The following RAF1 variants were observed in gnomAD, a reference collection of about 807,000 sequenced individuals.
RAF1 encodes RAF proto-oncogene serine/threonine-protein kinase.
RAF1 carries 27 observed loss-of-function variants against 81.1 expected under a neutral mutation model. The ratio of observed to expected loss-of-function variants is 0.33; its 90% CI spans 0.25 to 0.46. The LOEUF (loss-of-function observed/expected upper bound fraction) is 0.46. RAF1 is among the 20% of genes least tolerant of loss of function. The pLI, the probability that RAF1 is intolerant of heterozygous loss-of-function variation, is 1.00. For synonymous variants in RAF1, 298 were observed against 294.0 expected (o/e 1.01, Z -0.14); for missense variants, 598 against 826.0 (o/e 0.72, Z 3.38).
chr3:12,623,335 G>C (rs948835031), intron 1 of RAF1, among the ~76,000 whole-genome samples: 4 of 152,122 alleles, frequency 2.6e-5, no homozygotes, highest in Non-Finnish European at 5.9e-5. Flanking sequence ...AAGTCTTGCA[G>C]GCACTCAAAA....
intron 4 of RAF1, 80 bp downstream of exon 4, chr3:12,609,153 T>C (rs2059131528): frequency 2.7e-6 from 3 of 1,099,008 alleles, no homozygotes; most frequent in Non-Finnish European, 4.2e-6. Flanking sequence ...TATATATACA[T>C]ACGCATATTA....
At chr3:12,657,957 T>C (rs2060752762) in intron 1 of RAF1, among the ~76,000 whole-genome samples, 1 of 152,106 alleles carries the variant, frequency 6.6e-6, no homozygotes, top group South Asian at 2.1e-4. Flanking sequence ...TTTCTGTCAC[T>C]AAGGATTTTC....
At chr3:12,622,892 G>T (rs924797759) in intron 1 of RAF1, among the ~76,000 whole-genome samples, 1 of 152,182 alleles carries the variant, frequency 6.6e-6, no homozygotes, top group Non-Finnish European at 1.5e-5. Flanking sequence ...GCCGGGCGCA[G>T]TTGTTCACAC....
intron 8 of RAF1, among the ~76,000 whole-genome samples, chr3:12,601,054 G>A (rs2058847839): frequency 1.3e-5 from 2 of 152,172 alleles, no homozygotes; most frequent in Admixed American, 1.3e-4. Context: ...GGTGGATTCT[G>A]GGGGAAGCTC....
Position 12,584,439 on chromosome 3 carries a change from A to G in RAF1, c.*75T>C. ...CTGAAAACATGTGTTCTGCCTCTGG[A>G]GAAAGGGAGCAGAAAAGTGGTGCCT... On this transcript the variant is annotated 3_prime_UTR_variant, in exon 18 of 18. Transcript: ENST00000442415. 3 of 1,581,904 alleles carry G rather than the reference A, an allele frequency of 1.9e-6. No homozygotes were observed. Among genetic ancestry groups the G allele is most frequent in the Non-Finnish European group, 1.7e-6 (2 of 1,152,292 alleles).
intron 1 of RAF1, among the ~76,000 whole-genome samples, chr3:12,655,507 A>G (rs1432768839): frequency 3.9e-5 from 6 of 152,198 alleles, no homozygotes. Flanking sequence ...ACTGTGCAAA[A>G]CAGTTTGGCA....
chr3:12,655,459 T>C (rs2060662668), intron 1 of RAF1, among the ~76,000 whole-genome samples: 2 of 152,196 alleles, frequency 1.3e-5, no homozygotes, highest in African/African-American at 4.8e-5. Context: ...ACTGGAACCC[T>C]TGTGCTTTGC....
In RAF1 at chr3:12,654,509, G is replaced by C. The variant is rs1478356528; in HGVS notation, c.-27+9304C>G. The stretch of plus-strand genomic sequence containing the variant: ...CCCAGCTACTCAGCAGGTTCAGGAG[G>C]GAAGATGGCTTGTGCCTGGGAGGTC... On this transcript the variant is annotated intron_variant, in intron 1 of 17. Coordinates refer to ENST00000442415, the MANE Select transcript of RAF1 (RefSeq NM_001354689.3). 2.0e-5 allele frequency among the ~76,000 whole-genome samples: 3 copies of C among 151,566 alleles called. No homozygotes were observed. In the East Asian group the frequency reaches 6.1e-4, roughly 31 times the overall value.
At chr3:12,585,302 G>A (rs2125323708) in intron 15 of RAF1, 49 bp from the exon 15 acceptor site, 5 of 1,611,060 alleles carry the variant, frequency 3.1e-6, no homozygotes, top group African/African-American at 1.3e-5. Flanking sequence ...CATATGACAG[G>A]CCTCACAGAC....
At chr3:12,627,560 A>T (rs377082077) in intron 1 of RAF1, among the ~76,000 whole-genome samples, 2 of 152,186 alleles carry the variant, frequency 1.3e-5, no homozygotes, top group South Asian at 4.1e-4. Flanking sequence ...CACCTACTCT[A>T]TATCTATCAA....
Position 12,606,113 on chromosome 3 carries a change from C to T in RAF1, c.680+88G>A, listed in dbSNP as rs1406939552. 27 of 955,902 alleles carry T rather than the reference C, an allele frequency of 2.8e-5. No individual in the cohort carries two copies. The South Asian group carries it at 3.5e-4, about 12-fold the overall frequency. The allele number at this position is 955,902 out of a possible 1,614,324, so 59.2% of individuals were successfully genotyped here. ...GTTTCCACGTAGAGAGGAGGGAATG[C>T]GAAGAAACTCTTATTTTTTGTCTTC... On this transcript the variant is annotated intron_variant, in intron 6 of 17. Coordinates refer to ENST00000442415, the MANE Select transcript of RAF1 (RefSeq NM_001354689.3).
intron 1 of RAF1, among the ~76,000 whole-genome samples, chr3:12,619,022 C>G (rs1326484403): frequency 8.6e-5 from 13 of 151,868 alleles, no homozygotes; most frequent in African/African-American, 2.9e-4. Flanking sequence ...GAGGTGGGTG[C>G]ATCACGAGGT....
intron 3 of RAF1, among the ~76,000 whole-genome samples, chr3:12,609,964 G>C (rs1277324402): frequency 6.6e-6 from 1 of 152,058 alleles, no homozygotes; most frequent in Non-Finnish European, 1.5e-5. Flanking sequence ...TAAATAGAAA[G>C]GAACCACAAA....
chr3:12,633,712 G>A (rs1279722123), intron 1 of RAF1, among the ~76,000 whole-genome samples: 3 of 151,342 alleles, frequency 2.0e-5, no homozygotes, highest in Non-Finnish European at 4.4e-5. Context: ...GAGGCGGGCG[G>A]ATCATGAGGT....
chr3:12,639,316 T>G (rs745582860), intron 1 of RAF1, among the ~76,000 whole-genome samples: 1 of 152,100 alleles, frequency 6.6e-6, no homozygotes, highest in African/African-American at 2.4e-5. Flanking sequence ...TGGCACCAGA[T>G]AGGGATGCCC....
At chr3:12,654,761 C>T (rs1430545332) in intron 1 of RAF1, among the ~76,000 whole-genome samples, 1 of 76,708 alleles carries the variant, frequency 1.3e-5, no homozygotes, top group Non-Finnish European at 2.9e-5. Flanking sequence ...TAATTGTGTA[C>T]ATAATGTATC....
chr3:12,623,861 C>CT lies in RAF1; in HGVS notation c.-26-5115dup, dbSNP rs111653370. 3.5e-3 allele frequency among the ~76,000 whole-genome samples: 473 copies of CT among 134,916 alleles called. 2 individuals are homozygous for CT. The highest frequency in any genetic ancestry group is 0.012 in the African/African-American group (426 of 35,728). 88.5% of individuals were successfully genotyped at this position (134,916 alleles called of 152,430 possible). A position where few individuals can be genotyped will look rare whatever the true frequency, so the allele number is the denominator to read the frequency against. On this transcript the variant is annotated intron_variant, in intron 1 of 17. Transcript: ENST00000442415. ...ATGTTTCCTAACCCTTTTCTTTTTT[C>CT]TTTTTTTTTTTTTGAGACAGTCTTG...
intron 1 of RAF1, among the ~76,000 whole-genome samples, chr3:12,655,123 ACT>A (rs2060649442): frequency 6.6e-6 from 1 of 152,016 alleles, no homozygotes; most frequent in Admixed American, 6.6e-5. Flanking sequence ...ACGAAGTCTC[ACT>A]CTTGTGGAGT....
At chr3:12,634,751 G>A (rs1205260965) in intron 1 of RAF1, among the ~76,000 whole-genome samples, 1 of 152,106 alleles carries the variant, frequency 6.6e-6, no homozygotes, top group Non-Finnish European at 1.5e-5. Flanking sequence ...ACAGAGAAGG[G>A]AAGGAAATAG....
Sources: allele counts gnomAD v4.1 joint callset (sites outside exome capture counted in the v4.1 genomes callset), GRCh38; gene constraint gnomAD v4.1.1; transcripts MANE v1.5; gene names NCBI Gene and HGNC (gene_info 2026-07-23, HGNC 2026-07-21).